Variants in CDKL5 observed in about 807,000 individuals in gnomAD.
CDKL5 encodes the protein cyclin-dependent kinase-like 5.
A neutral mutation model predicts 61.7 loss-of-function variants in CDKL5; 8 were observed. That is an observed-to-expected ratio of 0.13 (90% CI 0.08 to 0.23). The LOEUF is 0.23. CDKL5 is among the 10% of genes least tolerant of loss of function. The probability of loss-of-function intolerance (pLI) is 1.00; values close to 1 mark genes in which losing one functional copy is unlikely to be tolerated. For synonymous variants in CDKL5, 275 were observed against 272.3 expected (o/e 1.01, Z -0.10); for missense variants, 440 against 734.5 (o/e 0.60, Z 4.63).
intron 3 of CDKL5, among the ~76,000 whole-genome samples, chrX:18,520,319 G>A (rs1289987220): frequency 1.8e-5 from 2 of 112,070 alleles, no homozygotes; most frequent in East Asian, 5.6e-4. Context: ...CATATAAATG[G>A]AATCATACAA....
At chrX:18,470,355 GA>G (rs1262986005) in intron 1 of CDKL5, among the ~76,000 whole-genome samples, 43 of 7,316 alleles carry the variant, frequency 5.9e-3, no homozygotes, top group South Asian at 9.2e-3. Flanking sequence ...AAGAAGAAAA[GA>G]AAAAAAAAAA....
chrX:18,610,268 C>G (rs1926506200), intron 14 of CDKL5, among the ~76,000 whole-genome samples: 1 of 112,635 alleles, frequency 8.9e-6, no homozygotes, highest in Admixed American at 9.3e-5. Flanking sequence ...TGGGACTGCA[C>G]AGGCTGTGCC....
intron 6 of CDKL5, 148 bp downstream of exon 6, chrX:18,580,116 A>G (rs1219373949): frequency 2.0e-6 from 1 of 495,120 alleles, no homozygotes; most frequent in Non-Finnish European, 3.4e-6. Context: ...GACATGAGAA[A>G]TATTTGCTCT....
At chrX:18,501,704 A>G (rs1413956325) in intron 1 of CDKL5, among the ~76,000 whole-genome samples, 1 of 109,572 alleles carries the variant, frequency 9.1e-6, no homozygotes, top group Non-Finnish European at 1.9e-5. Flanking sequence ...GCGCACCACC[A>G]TACCCAGCTA....
intron 1 of CDKL5, among the ~76,000 whole-genome samples, chrX:18,460,840 G>T (rs1358729286): frequency 3.6e-5 from 4 of 111,887 alleles, no homozygotes; most frequent in African/African-American, 9.7e-5. Context: ...GATTCAAGGA[G>T]GCCCATCATG....
Position 18,588,142 on chromosome X carries a change from G to T in CDKL5, c.743G>T (p.Arg248Leu), listed in dbSNP as rs1064795857. The T allele has an allele frequency of 3.3e-6, 4 of 1,204,499 alleles. No homozygotes were observed. The highest frequency in any genetic ancestry group is 3.4e-6 in the Non-Finnish European group (3 of 890,841). ...AGTAATCCTCGCTTCCATGGGCTCCGGGTAAGAGGTTTTGCTGAAACCCAA... is the reference window on the plus strand; with the variant it reads ...AGTAATCCTCGCTTCCATGGGCTCCTGGTAAGAGGTTTTGCTGAAACCCAA... ...FYSNPRFHGLRFPAVNHPQSL... is the reference protein window; with the variant it reads ...FYSNPRFHGLLFPAVNHPQSL... Residue 248 changes from arginine (R) to leucine (L), a missense_variant and splice_region_variant, in exon 9 of 18, where the codon CGG becomes CTG. Arg to Leu is a moderately radical substitution (Grantham distance 102). Transcript: ENST00000623535.
intron 3 of CDKL5, among the ~76,000 whole-genome samples, chrX:18,514,298 T>A (rs1024828079): frequency 9.0e-6 from 1 of 111,429 alleles, no homozygotes; most frequent in African/African-American, 3.3e-5. Flanking sequence ...TTAAGCTGTA[T>A]ATATTTATTG....
downstream of CDKL5, among the ~76,000 whole-genome samples, chrX:18,643,070 C>T (rs760834973): frequency 9.0e-6 from 1 of 111,341 alleles, no homozygotes; most frequent in African/African-American, 3.3e-5. Flanking sequence ...GACATAAAAA[C>T]TCGAAGGAAG....
chrX:18,590,090 C>T (rs1925779603), intron 9 of CDKL5, among the ~76,000 whole-genome samples: 1 of 111,583 alleles, frequency 9.0e-6, no homozygotes, highest in Admixed American at 9.7e-5. Context: ...TGTAGGTTGC[C>T]TGTTCACTCT....
At chrX:18,600,454 C>T (rs1055147901) in intron 11 of CDKL5, among the ~76,000 whole-genome samples, 4 of 111,992 alleles carry the variant, frequency 3.6e-5, no homozygotes, top group Non-Finnish European at 5.6e-5. Flanking sequence ...GTGCTTTTAT[C>T]TCCTTTTTAC....
At chrX:18,524,220 G>T (rs912530409) in intron 3 of CDKL5, among the ~76,000 whole-genome samples, 2 of 111,764 alleles carry the variant, frequency 1.8e-5, no homozygotes, top group Non-Finnish European at 3.8e-5. Flanking sequence ...TTAGCTATGG[G>T]TTTTAAAAAT....
intron 4 of CDKL5, among the ~76,000 whole-genome samples, chrX:18,565,825 T>C (rs1227040952): frequency 8.9e-6 from 1 of 111,810 alleles, no homozygotes; most frequent in Non-Finnish European, 1.9e-5. Flanking sequence ...AAAGAACTTT[T>C]TGCTTGTTCT....
chrX:18,653,304 A>G, intron 21 of CDKL5: 1 of 1,131,471 alleles, frequency 8.8e-7, no homozygotes, highest in Non-Finnish European at 1.2e-6. Flanking sequence ...ATAGCATTAA[A>G]GTGAAGATTA....
chrX:18,490,171 A>G (rs1298651687), intron 1 of CDKL5, among the ~76,000 whole-genome samples: 1 of 111,204 alleles, frequency 9.0e-6, no homozygotes, highest in Non-Finnish European at 1.9e-5. Flanking sequence ...CCTGAGTTGT[A>G]TCCTTTATAA....
intron 1 of CDKL5, among the ~76,000 whole-genome samples, chrX:18,450,853 G>C (rs1931997494): frequency 9.1e-6 from 1 of 110,258 alleles, no homozygotes; most frequent in Non-Finnish European, 1.9e-5. Context: ...GGGATTACAG[G>C]TGTGAGCCAC....
At chrX:18,532,711 G>A (rs1923691154) in intron 3 of CDKL5, among the ~76,000 whole-genome samples, 1 of 111,576 alleles carries the variant, frequency 9.0e-6, no homozygotes, top group South Asian at 3.8e-4. Flanking sequence ...AGAAAGTAGT[G>A]TGTGTGTACT....
At chrX:18,619,736 T>G (rs1365897349) in intron 15 of CDKL5, 131 bp from the exon 16 acceptor site, 18 of 478,579 alleles carry the variant, frequency 3.8e-5, no homozygotes, top group Middle Eastern at 4.3e-4. Flanking sequence ...TAGAGGCTCT[T>G]TACCCAAGTG....
At chrX:18,493,942 G>T (rs1377382339) in intron 1 of CDKL5, among the ~76,000 whole-genome samples, 1 of 111,819 alleles carries the variant, frequency 8.9e-6, no homozygotes, top group African/African-American at 3.3e-5. Flanking sequence ...TTGAGGCAGG[G>T]TCTTGCTCAT....
At chrX:18,490,458 C>T (rs1372742212) in intron 1 of CDKL5, among the ~76,000 whole-genome samples, 1 of 108,881 alleles carries the variant, frequency 9.2e-6, no homozygotes, top group Non-Finnish European at 1.9e-5. Flanking sequence ...CACGCATTTG[C>T]TGTCTGGGGA....
Sources: gnomAD v4.1 joint callset for allele counts (sites outside exome capture counted in the v4.1 genomes callset) on GRCh38, gnomAD v4.1.1 for gene constraint, MANE v1.5 for transcripts, NCBI Gene and HGNC (gene_info 2026-07-23, HGNC 2026-07-21) for gene names.